PIP5K1B: variants seen among roughly 807,000 people sequenced by gnomAD.
PIP5K1B encodes phosphatidylinositol-4-phosphate 5-kinase type 1 beta.
Under a neutral mutation model 67.0 loss-of-function variants are expected in PIP5K1B, and 42 were observed. The observed-to-expected ratio is 0.63, with a 90% confidence interval of 0.49 to 0.81. PIP5K1B has a LOEUF of 0.81. Ranked by LOEUF, PIP5K1B falls within the 30% of genes least tolerant of loss-of-function variation. PIP5K1B has a pLI of 0.00. For missense variants in PIP5K1B, 459 were observed against 646.3 expected (o/e 0.71, Z 3.14); for synonymous variants, 214 against 231.4 (o/e 0.92, Z 0.68).
chr9:68,716,382 C>G (rs568026598), intron 1 of PIP5K1B, among the ~76,000 whole-genome samples: 1 of 152,172 alleles, frequency 6.6e-6, no homozygotes, highest in East Asian at 1.9e-4. Flanking sequence ...GCTAATAGAA[C>G]CTAATTATTT....
At chr9:68,803,551 A>C (rs971926015) in intron 2 of PIP5K1B, among the ~76,000 whole-genome samples, 8 of 152,260 alleles carry the variant, frequency 5.3e-5, no homozygotes, top group African/African-American at 1.9e-4. Context: ...GGCCCTGCTC[A>C]TGCTGTCTCC....
chr9:68,888,801 C>T (rs1824618440), intron 6 of PIP5K1B, among the ~76,000 whole-genome samples, 180 bp from the exon 7 acceptor site: 1 of 151,692 alleles, frequency 6.6e-6, no homozygotes. Flanking sequence ...ATAAACAGAC[C>T]AATTAAATCT....
chr9:68,852,914 GTT>G (rs59497845), intron 4 of PIP5K1B, among the ~76,000 whole-genome samples: 1 of 151,412 alleles, frequency 6.6e-6, no homozygotes, highest in Non-Finnish European at 1.5e-5. Context: ...TTAGGGGTGT[GTT>G]TTTTTTTATA....
At position 68,876,837 on chromosome 9, in the gene PIP5K1B, T is replaced by C. The variant is rs769119183; in HGVS notation, c.318+43T>C. ...TTCTTCCTTCTATAGAAATGTGTGA[T>C]GTAAACATTTGTCTCATAGCAACAG... On this transcript the variant is annotated intron_variant, in intron 6 of 15. Coordinates refer to ENST00000265382, the MANE Select transcript of PIP5K1B (RefSeq NM_003558.4). 5.2e-6 allele frequency: 5 copies of C among 957,112 alleles called. No individual in the cohort carries two copies. In the Admixed American group the frequency reaches 8.5e-5, roughly 16 times the overall value. The allele number at this position is 957,112 out of a possible 1,614,324, so 59.3% of individuals were successfully genotyped here.
At chr9:68,716,156 T>C (rs759592070) in intron 1 of PIP5K1B, among the ~76,000 whole-genome samples, 4 of 152,202 alleles carry the variant, frequency 2.6e-5, no homozygotes, top group Non-Finnish European at 4.4e-5. Flanking sequence ...AATGATTATT[T>C]AGAGGAAAGA....
chr9:68,875,554 G>C (rs1212147410), intron 5 of PIP5K1B, among the ~76,000 whole-genome samples: 2 of 152,074 alleles, frequency 1.3e-5, no homozygotes, highest in Admixed American at 1.3e-4. Flanking sequence ...CTATGTGCCA[G>C]GCATTGATGC....
chr9:68,805,740 C>T (rs1832840867), intron 2 of PIP5K1B, among the ~76,000 whole-genome samples: 2 of 152,162 alleles, frequency 1.3e-5, no homozygotes, highest in Non-Finnish European at 2.9e-5. Context: ...GCAATGACCT[C>T]TGCTAGGCTT....
intron 2 of PIP5K1B, among the ~76,000 whole-genome samples, chr9:68,765,268 C>G (rs567341640): frequency 6.6e-6 from 1 of 152,154 alleles, no homozygotes; most frequent in East Asian, 1.9e-4. Flanking sequence ...AAACTTGCCA[C>G]TAGTAACATT....
Position 68,796,871 on chromosome 9 carries a change from T to G in PIP5K1B, c.-85-21590T>G, listed in dbSNP as rs1010053134. 2.6e-5 allele frequency among the ~76,000 whole-genome samples: 4 copies of G among 152,180 alleles called. No individual in the cohort carries two copies. In the East Asian group the frequency reaches 7.7e-4, roughly 29 times the overall value. ...GTTTTCTAGGTTAGTTATCAAATATTCCCTCCAGTAGCCCAGTGAAACATC... is the reference window on the plus strand; with the variant it reads ...GTTTTCTAGGTTAGTTATCAAATATGCCCTCCAGTAGCCCAGTGAAACATC... On this transcript the variant is annotated intron_variant, in intron 2 of 15. Transcript: ENST00000265382.
intron 1 of PIP5K1B, among the ~76,000 whole-genome samples, chr9:68,720,208 T>C (rs1564086800): frequency 6.6e-6 from 1 of 152,228 alleles, no homozygotes; most frequent in African/African-American, 2.4e-5. Context: ...CCCCTTCCTT[T>C]ACAAAATTTC....
intron 14 of PIP5K1B, among the ~76,000 whole-genome samples, chr9:68,943,177 C>G (rs1827646020): frequency 6.6e-6 from 1 of 152,206 alleles, no homozygotes; most frequent in African/African-American, 2.4e-5. Context: ...AATTTTGGCT[C>G]TGTTTCCTCC....
chr9:68,871,038 T>A (rs1176177558), intron 5 of PIP5K1B, among the ~76,000 whole-genome samples: 1 of 152,194 alleles, frequency 6.6e-6, no homozygotes, highest in Non-Finnish European at 1.5e-5. Flanking sequence ...CATCTCTCAG[T>A]CCAGTGCCAC....
intron 4 of PIP5K1B, among the ~76,000 whole-genome samples, chr9:68,834,549 C>A (rs879882237): frequency 2.0e-5 from 3 of 152,160 alleles, no homozygotes; most frequent in African/African-American, 7.2e-5. Context: ...TCCCACGCAG[C>A]GTCTGGTACA....
At position 68,887,746 on chromosome 9, in the gene PIP5K1B, G is replaced by A. The variant is rs755415963; in HGVS notation, c.319-1235G>A. On this transcript the variant is annotated intron_variant, in intron 6 of 15. Transcript: ENST00000265382. The stretch of plus-strand genomic sequence containing the variant: ...TTGAACTAAGGGTGTTGGCAGAGGC[G>A]GGCAGGCAGCATCAACAGTCTGGTT... Among the ~76,000 whole-genome samples, 10 of 152,148 alleles carry A rather than the reference G, an allele frequency of 6.6e-5. 1 individual carries two copies. Among genetic ancestry groups the A allele is most frequent in the Admixed American group, 1.3e-4 (2 of 15,274 alleles).
At chr9:68,909,040 A>T (rs1825741561) in intron 8 of PIP5K1B, among the ~76,000 whole-genome samples, 1 of 152,196 alleles carries the variant, frequency 6.6e-6, no homozygotes, top group East Asian at 1.9e-4. Flanking sequence ...TAACCACTTT[A>T]GTTAAGATCC....
At chr9:68,825,248 C>T (rs906556431) in intron 4 of PIP5K1B, among the ~76,000 whole-genome samples, 1 of 152,100 alleles carries the variant, frequency 6.6e-6, no homozygotes, top group East Asian at 1.9e-4. Flanking sequence ...CTAAAAGATT[C>T]GCTAGTCTCC....
intron 14 of PIP5K1B, among the ~76,000 whole-genome samples, chr9:68,967,732 A>G (rs1159336763): frequency 6.6e-6 from 1 of 152,178 alleles, no homozygotes; most frequent in Non-Finnish European, 1.5e-5. Context: ...CTTCTAGAAG[A>G]CATTCTCTTC....
intron 2 of PIP5K1B, among the ~76,000 whole-genome samples, chr9:68,796,663 A>G (rs1832310984): frequency 6.6e-6 from 1 of 152,192 alleles, no homozygotes; most frequent in Non-Finnish European, 1.5e-5. Context: ...GCAACCCGTA[A>G]TTCATGGCTA....
Position 68,817,655 on chromosome 9 carries a change from AAAAC to A in PIP5K1B, c.-85-800_-85-797del, listed in dbSNP as rs529541347. ...CATAGGGAAGATTTTGAAAGGCTAT[AAAAC>A]AAACAGACTGTTTATATTGGCTATC... On this transcript the variant is annotated intron_variant, in intron 2 of 15. Transcript: ENST00000265382. 1.1e-4 allele frequency among the ~76,000 whole-genome samples: 16 copies of A among 152,224 alleles called. 1 individual carries two copies. The highest frequency in any genetic ancestry group is 2.1e-4 in the South Asian group (1 of 4,816).
Sources: allele counts gnomAD v4.1 joint callset (sites outside exome capture counted in the v4.1 genomes callset), GRCh38; gene constraint gnomAD v4.1.1; transcripts MANE v1.5; gene names NCBI Gene and HGNC (gene_info 2026-07-23, HGNC 2026-07-21).